The following EYS variants were observed in gnomAD, a reference collection of about 807,000 sequenced individuals.
EYS encodes EGF-like photoreceptor maintenance factor, also known as protein eyes shut homolog.
EYS carries 250 observed loss-of-function variants against 282.1 expected under a neutral mutation model. That is an observed-to-expected ratio of 0.89 (90% CI 0.80 to 0.98). The LOEUF (loss-of-function observed/expected upper bound fraction) is 0.98, where lower values mean the gene tolerates loss of function less well. EYS is among the 50% of genes least tolerant of loss of function. The pLI, the probability that EYS is intolerant of heterozygous loss-of-function variation, is 0.00. For missense variants in EYS, 4,016 were observed against 3,709.0 expected (o/e 1.08, Z -2.15); for synonymous variants, 1,355 against 1,282.9 (o/e 1.06, Z -1.20).
chr6:65,620,746 T>C (rs1368906922), intron 2 of EYS, among the ~76,000 whole-genome samples: 1 of 151,712 alleles, frequency 6.6e-6, no homozygotes, highest in Non-Finnish European at 1.5e-5. Flanking sequence ...GATTCTGGCA[T>C]GTTGTGTCTT....
At chr6:63,876,077 T>G (rs991039680) in intron 35 of EYS, among the ~76,000 whole-genome samples, 1 of 152,250 alleles carries the variant, frequency 6.6e-6, no homozygotes, top group African/African-American at 2.4e-5. Flanking sequence ...GTGTCAATTT[T>G]AGATCTTTCC....
intron 33 of EYS, among the ~76,000 whole-genome samples, chr6:64,040,358 G>A (rs1372522675): frequency 6.6e-6 from 1 of 152,146 alleles, no homozygotes; most frequent in Non-Finnish European, 1.5e-5. Flanking sequence ...ATTTGGAATT[G>A]TAGTTGGAAT....
At chr6:64,253,539 G>T (rs1285524592) in intron 30 of EYS, among the ~76,000 whole-genome samples, 1 of 152,056 alleles carries the variant, frequency 6.6e-6, no homozygotes, top group Non-Finnish European at 1.5e-5. Context: ...TTATTTCCTG[G>T]TCTTAAGAGT....
At chr6:64,080,275 ATTGTG>A (rs1771919182) in intron 32 of EYS, among the ~76,000 whole-genome samples, 1 of 152,090 alleles carries the variant, frequency 6.6e-6, no homozygotes, top group African/African-American at 2.4e-5. Flanking sequence ...ATGGTATCTC[ATTGTG>A]GTTTTGATTT....
chr6:65,341,721 AT>A (rs1232890563), intron 10 of EYS, among the ~76,000 whole-genome samples: 1 of 151,178 alleles, frequency 6.6e-6, no homozygotes, highest in Non-Finnish European at 1.5e-5. Context: ...GTTTTTCTTC[AT>A]TTAAGCATCT....
intron 13 of EYS, among the ~76,000 whole-genome samples, chr6:65,016,559 A>C (rs1772059205): frequency 6.6e-6 from 1 of 152,176 alleles, no homozygotes; most frequent in African/African-American, 2.4e-5. Flanking sequence ...GGTGGAGATA[A>C]TCTTTCTGTG....
At chr6:64,933,397 C>T (rs1467176190) in intron 15 of EYS, among the ~76,000 whole-genome samples, 2 of 151,866 alleles carry the variant, frequency 1.3e-5, no homozygotes, top group Non-Finnish European at 2.9e-5. Context: ...TTATCATCAC[C>T]GGTCATTAGA....
chr6:64,535,482 A>G (rs1286146536), intron 26 of EYS, among the ~76,000 whole-genome samples: 1 of 152,184 alleles, frequency 6.6e-6, no homozygotes, highest in East Asian at 1.9e-4. Context: ...TCACGCCTAT[A>G]ATCACAGCAG....
intron 22 of EYS, among the ~76,000 whole-genome samples, chr6:64,701,524 C>T (rs896884038): frequency 3.9e-5 from 6 of 152,050 alleles, no homozygotes. Flanking sequence ...GCACTATTCA[C>T]ATGCCTTTGG....
chr6:65,514,542 C>A (rs1443740394), intron 2 of EYS, among the ~76,000 whole-genome samples: 1 of 152,178 alleles, frequency 6.6e-6, no homozygotes, highest in African/African-American at 2.4e-5. Flanking sequence ...TCAAACTATA[C>A]TACAAGGCTA....
rs528971969 is a variant in EYS, at chr6:65,475,234, T to C, written c.862+15360A>G. Reference sequence around the variant, plus strand: ...AGGCCATCTTTGTATGAAAACATTGTACAGAGTTCAAAACACTAAAAATAC... The same window carrying C: ...AGGCCATCTTTGTATGAAAACATTGCACAGAGTTCAAAACACTAAAAATAC... On this transcript the variant is annotated intron_variant, in intron 5 of 42. Coordinates refer to ENST00000503581, the MANE Select transcript of EYS (RefSeq NM_001142800.2). Among the ~76,000 whole-genome samples the C allele has an allele frequency of 3.9e-5, 6 of 152,196 alleles. No homozygotes were observed. The East Asian group carries it at 5.8e-4, about 15-fold the overall frequency.
chr6:65,374,181 A>T (rs1479561869), intron 8 of EYS, among the ~76,000 whole-genome samples: 1 of 152,098 alleles, frequency 6.6e-6, no homozygotes, highest in Non-Finnish European at 1.5e-5. Flanking sequence ...TTTCCAACTG[A>T]GGTACCCTGT....
intron 8 of EYS, 24 bp from the exon 9 acceptor site, chr6:65,353,641 A>G (rs202182625): frequency 1.9e-6 from 3 of 1,598,296 alleles, no homozygotes; most frequent in Non-Finnish European, 2.6e-6. Context: ...ACAAGGAAAA[A>G]TGGTAAATTC....
chr6:63,727,542 G>T (rs1768657288), intron 41 of EYS, among the ~76,000 whole-genome samples: 1 of 149,076 alleles, frequency 6.7e-6, no homozygotes, highest in Non-Finnish European at 1.5e-5. Flanking sequence ...AATGCAAAGC[G>T]CTATACCTCA....
intron 14 of EYS, among the ~76,000 whole-genome samples, chr6:64,953,704 A>G (rs1201979771): frequency 6.6e-6 from 1 of 151,850 alleles, no homozygotes; most frequent in Non-Finnish European, 1.5e-5. Context: ...TGGAATATTT[A>G]GAAACAATTT....
intron 19 of EYS, among the ~76,000 whole-genome samples, chr6:64,878,225 G>GA (rs1461064347): frequency 5.9e-5 from 9 of 151,812 alleles, no homozygotes; most frequent in African/African-American, 2.2e-4. Context: ...GACTCCATCG[G>GA]AAAAAAGAAA....
chr6:63,985,189 A>G (rs1767298085), intron 34 of EYS, among the ~76,000 whole-genome samples: 1 of 151,732 alleles, frequency 6.6e-6, no homozygotes, highest in South Asian at 2.1e-4. Flanking sequence ...ACTTTTATAA[A>G]GAAGCTTGGA....
At chr6:63,758,495 G>T (rs1410725865) in intron 41 of EYS, among the ~76,000 whole-genome samples, 4 of 151,874 alleles carry the variant, frequency 2.6e-5, no homozygotes, top group Non-Finnish European at 5.9e-5. Context: ...TGGAGTTCTA[G>T]TTATATGCTA....
intron 12 of EYS, among the ~76,000 whole-genome samples, chr6:65,060,770 GTATATATATGTGTATATATATATA>G (rs1329393621): frequency 7.7e-6 from 1 of 129,474 alleles, no homozygotes; most frequent in Non-Finnish European, 1.6e-5. Context: ...ATATACATGT[GTATATATATGTGTATATATATATA>G]TATATATACA....
Sources: gnomAD v4.1 joint callset for allele counts (sites outside exome capture counted in the v4.1 genomes callset) on GRCh38, gnomAD v4.1.1 for gene constraint, MANE v1.5 for transcripts, NCBI Gene and HGNC (gene_info 2026-07-23, HGNC 2026-07-21) for gene names.